Variants in GUCY1B1 observed in about 807,000 individuals in gnomAD.
GUCY1B1 encodes guanylate cyclase soluble subunit beta-1.
A neutral mutation model predicts 71.0 loss-of-function variants in GUCY1B1; 43 were observed. The observed-to-expected ratio is 0.61, with a 90% CI of 0.47 to 0.78. The LOEUF (loss-of-function observed/expected upper bound fraction) is 0.78, where lower values mean the gene tolerates loss of function less well. Among genes scored for constraint, GUCY1B1 ranks in the 30% least tolerant of loss-of-function variants. The pLI is 0.00. For missense variants in GUCY1B1, 535 were observed against 754.1 expected, an observed-to-expected ratio of 0.71 and a Z score of 3.40; for synonymous variants, 266 against 259.7, an observed-to-expected ratio of 1.02 and a Z score of -0.23.
rs922000614 is a variant in GUCY1B1 at position 155,803,093 on chromosome 4, A to G, written c.1413+514A>G. 4.6e-5 allele frequency among the ~76,000 whole-genome samples: 7 copies of G among 152,344 alleles called. No individual in the cohort carries two copies. The East Asian group carries it at 1.3e-3, about 29-fold the overall frequency. On this transcript the variant is annotated intron_variant, in intron 10 of 13. Transcript: ENST00000264424. ...ATATTGGAAAAAAGAAGTCAGTGGAATATTGCTACATAAAGGCAAGAATGT... is the reference window on the plus strand; with the variant it reads ...ATATTGGAAAAAAGAAGTCAGTGGAGTATTGCTACATAAAGGCAAGAATGT...
chr4:155,796,516 C>T lies in GUCY1B1; in HGVS notation c.977+6C>T. 2.5e-6 allele frequency: 4 copies of T among 1,596,516 alleles called. No individual in the cohort carries two copies. In the South Asian group the frequency reaches 4.4e-5, roughly 18 times the overall value. ...CTTTTTCTATGTTCACCAAGGTAATCATTTTTAGATTAATTATAGTGGCTA... is the reference window on the plus strand; with the variant it reads ...CTTTTTCTATGTTCACCAAGGTAATTATTTTTAGATTAATTATAGTGGCTA... On this transcript the variant is annotated splice_donor_region_variant and intron_variant, in intron 8 of 13. Coordinates refer to ENST00000264424, the MANE Select transcript of GUCY1B1 (RefSeq NM_000857.5).
chr4:155,777,703 C>A, intron 4 of GUCY1B1, 61 bp downstream of exon 4: 2 of 826,280 alleles, frequency 2.4e-6, no homozygotes, highest in South Asian at 1.4e-5. Context: ...AATATAGACT[C>A]TAGAATACTT....
intron 8 of GUCY1B1, among the ~76,000 whole-genome samples, chr4:155,796,765 G>A (rs542298921): frequency 6.6e-6 from 1 of 152,220 alleles, no homozygotes; most frequent in African/African-American, 2.4e-5. Context: ...ATTACGCCAT[G>A]GGACAAATAA....
rs1450854116 is a variant in GUCY1B1, at chr4:155,806,392, A to G, written c.1843A>G (p.Lys615Glu). ...SRKNTGTEETKQDDD is the reference protein window; with the variant it reads ...SRKNTGTEETEQDDD ...TTTCTTCTGCCTATTTAAGGAAACA[A>G]AGCAGGATGATGACTGAATCTTGGA... is the stretch of plus-strand genomic sequence containing the variant. Residue 615 changes from lysine to glutamate, a missense_variant, in exon 14 of 14, where the codon AAG becomes GAG. By Grantham distance (56) the Lys-to-Glu change is moderately conservative. Coordinates refer to ENST00000264424, the MANE Select transcript of GUCY1B1 (RefSeq NM_000857.5). The G allele has an allele frequency of 6.2e-7, 1 of 1,604,288 alleles. No individual in the cohort carries two copies. Among genetic ancestry groups the G allele is most frequent in the African/African-American group, 1.3e-5 (1 of 74,832 alleles).
chr4:155,763,813 C>A (rs1737157981), intron 2 of GUCY1B1, among the ~76,000 whole-genome samples: 1 of 152,160 alleles, frequency 6.6e-6, no homozygotes, highest in Non-Finnish European at 1.5e-5. Flanking sequence ...AATAATACTT[C>A]ACAGAGCTGA....
chr4:155,773,289 A>C (rs1040404795), intron 2 of GUCY1B1, among the ~76,000 whole-genome samples: 6 of 152,164 alleles, frequency 3.9e-5, no homozygotes, highest in African/African-American at 1.4e-4. Flanking sequence ...GTACATGTGC[A>C]ATTTGTTACA....
intron 4 of GUCY1B1, among the ~76,000 whole-genome samples, chr4:155,786,449 T>TTTTC (rs1738781157): frequency 1.4e-5 from 2 of 143,124 alleles, no homozygotes; most frequent in African/African-American, 2.6e-5. Context: ...AATTTTTGTA[T>TTTTC]TTTCTTTCTT....
Position 155,802,765 on chromosome 4 carries a change from C to G in GUCY1B1, c.1413+186C>G, listed in dbSNP as rs1740047334. ...CCTCTTGTTATAAAACTGTCTCTTC[C>G]TTGTAACCACAATGAATGTTTCATG... is the stretch of plus-strand genomic sequence containing the variant. On this transcript the variant is annotated intron_variant, in intron 10 of 13. Coordinates refer to ENST00000264424, the MANE Select transcript of GUCY1B1 (RefSeq NM_000857.5). This position sits in a 1 kb window ranked among gnomAD's most constrained non-coding sequence, Gnocchi z 4.3. Among the ~76,000 whole-genome samples, 1 of 152,146 alleles carries G rather than the reference C, an allele frequency of 6.6e-6. No individual in the cohort carries two copies. Among genetic ancestry groups the G allele is most frequent in the Admixed American group, 6.6e-5 (1 of 15,264 alleles).
Position 155,802,642 on chromosome 4 carries a change from C to T in GUCY1B1, c.1413+63C>T. On this transcript the variant is annotated intron_variant, in intron 10 of 13. Transcript: ENST00000264424. This position sits in a 1 kb window ranked among gnomAD's most constrained non-coding sequence, Gnocchi z 4.3. ...AGGCTGGCGTTCTGAGACTCCCCTC[C>T]AGAGGCCATGTCATCACAGCTCTCT... is the stretch of plus-strand genomic sequence containing the variant. The T allele has an allele frequency of 7.1e-7, 1 of 1,418,440 alleles. No individual in the cohort carries two copies. The highest frequency in any genetic ancestry group is 9.5e-7 in the Non-Finnish European group (1 of 1,055,674). The allele number at this position is 1,418,440 out of a possible 1,614,324, so 87.9% of individuals were successfully genotyped here. A position where few individuals can be genotyped will look rare whatever the true frequency, so the allele number is the denominator to read the frequency against.
In GUCY1B1 at chr4:155,802,270, A is replaced by C. The variant is rs770796246; in HGVS notation, c.1176-72A>C. The C allele has an allele frequency of 6.3e-7, 1 of 1,592,488 alleles. No homozygotes were observed. Among genetic ancestry groups the C allele is most frequent in the South Asian group, 1.1e-5 (1 of 88,748 alleles). On this transcript the variant is annotated intron_variant, in intron 9 of 13. Coordinates refer to ENST00000264424, the MANE Select transcript of GUCY1B1 (RefSeq NM_000857.5). The surrounding 1 kb of genome is among the most constrained non-coding windows in gnomAD (Gnocchi z 4.3). ...TACAAACGACACTGATGCTGTGTGA[A>C]AAGGACAGCAGAAGCACTAAAGGCT...
chr4:155,781,764 T>G lies in GUCY1B1; in HGVS notation c.297+4122T>G, dbSNP rs1738434219. 2.0e-5 allele frequency among the ~76,000 whole-genome samples: 3 copies of G among 152,122 alleles called. No individual in the cohort carries two copies. The South Asian group carries it at 6.2e-4, about 32-fold the overall frequency. On this transcript the variant is annotated intron_variant, in intron 4 of 13. Coordinates refer to ENST00000264424, the MANE Select transcript of GUCY1B1 (RefSeq NM_000857.5). ...AGGCATTTCACAGTTTAGAATTGAT[T>G]TTTTCTTAAATCACCAGTGAAAGCA...
chr4:155,774,245 C>T (rs1341654144), intron 2 of GUCY1B1, among the ~76,000 whole-genome samples: 1 of 152,128 alleles, frequency 6.6e-6, no homozygotes, highest in African/African-American at 2.4e-5. Context: ...AGCTACTTTT[C>T]CCCCTCCTCT....
chr4:155,796,200 C>G (rs1739542482), intron 7 of GUCY1B1, among the ~76,000 whole-genome samples, 177 bp from the exon 8 acceptor site: 2 of 152,206 alleles, frequency 1.3e-5, no homozygotes. Flanking sequence ...TGCAGTGTTG[C>G]AAGGCAGCCA....
chr4:155,789,975 C>A, intron 5 of GUCY1B1, 64 bp downstream of exon 5: 1 of 1,090,396 alleles, frequency 9.2e-7, no homozygotes, highest in Non-Finnish European at 1.4e-6. Context: ...AAATGACACT[C>A]TCTAAATTTA....
At chr4:155,776,871 A>G (rs1006021315) in intron 3 of GUCY1B1, among the ~76,000 whole-genome samples, 1 of 152,106 alleles carries the variant, frequency 6.6e-6, no homozygotes, top group Non-Finnish European at 1.5e-5. Flanking sequence ...TTTTGGAAAA[A>G]AGAAGTAGTA....
intron 1 of GUCY1B1, 196 bp downstream of exon 1, chr4:155,759,339 G>A (rs1193979375): frequency 3.4e-6 from 2 of 582,244 alleles, no homozygotes; most frequent in East Asian, 3.2e-5. Context: ...GGGGCGATCG[G>A]TGCCTTTGCT....
intron 8 of GUCY1B1, among the ~76,000 whole-genome samples, chr4:155,799,466 G>A (rs2111159364): frequency 6.6e-6 from 1 of 152,128 alleles, no homozygotes; most frequent in South Asian, 2.1e-4. Flanking sequence ...AAAGCAAAAT[G>A]AAAGTTTCTC....
At chr4:155,799,029 G>A (rs537800765) in intron 8 of GUCY1B1, among the ~76,000 whole-genome samples, 14 of 152,152 alleles carry the variant, frequency 9.2e-5, no homozygotes, top group African/African-American at 1.7e-4. Context: ...GTAGAGACGC[G>A]TTTCACCATG....
rs979420666 is a variant in GUCY1B1, at chr4:155,795,388, T to A, written c.774T>A (p.Arg258=). 3.7e-6 allele frequency: 6 copies of A among 1,611,394 alleles called. No individual in the cohort carries two copies. The African/African-American group carries it at 8.0e-5, about 22-fold the overall frequency. The change falls in exon 7 of 14, where the codon CGT becomes CGA. Residue 258 remains arginine (R), a synonymous_variant. Transcript: ENST00000264424. ...CSLLSVFSLV[R]PHIDISFHGI... Reference sequence around the variant, plus strand: ...TTCTGTCTGTCTTCTCGCTGGTTCGTCCTCATATTGATATTAGTTTCCATG... The same window carrying A: ...TTCTGTCTGTCTTCTCGCTGGTTCGACCTCATATTGATATTAGTTTCCATG...
Sources: gnomAD v4.1 joint callset for allele counts (sites outside exome capture counted in the v4.1 genomes callset) on GRCh38, gnomAD v4.1.1 for gene constraint, Gnocchi (gnomAD v3.1) non-coding constraint, MANE v1.5 for transcripts, NCBI Gene and HGNC (gene_info 2026-07-23, HGNC 2026-07-21) for gene names.